The following MCM9 variants were observed in gnomAD, a reference collection of about 807,000 sequenced individuals.
MCM9 encodes the protein minichromosome maintenance 9 homologous recombination repair factor.
A neutral mutation model predicts 72.8 loss-of-function variants in MCM9; 55 were observed. That is an observed-to-expected ratio of 0.76 (90% confidence interval 0.61 to 0.95). MCM9 has a LOEUF of 0.95. Among genes scored for constraint, MCM9 ranks in the 40% least tolerant of loss-of-function variants. MCM9 has a pLI of 0.00. For missense variants in MCM9, 1,279 were observed against 1,377.0 expected, an observed-to-expected ratio of 0.93 and a Z score of 1.13; for synonymous variants, 480 against 503.4, an observed-to-expected ratio of 0.95 and a Z score of 0.62.
At chr6:118,918,010 G>A (rs1781102431) in intron 5 of MCM9, 2 of 505,892 alleles carry the variant, frequency 4.0e-6, no homozygotes, top group Admixed American at 3.6e-5. Flanking sequence ...CCTGCTACAT[G>A]ATAATCCTAC....
At chr6:118,843,610 T>C (rs144410027) in intron 9 of MCM9, among the ~76,000 whole-genome samples, 114 of 39,782 alleles carry the variant, frequency 2.9e-3, no homozygotes, top group Middle Eastern at 0.015. Context: ...AAGAGTGAAA[T>C]TCTGTCTCAA....
chr6:118,823,551 C>T (rs960569267), intron 13 of MCM9, among the ~76,000 whole-genome samples: 2 of 152,166 alleles, frequency 1.3e-5, no homozygotes, highest in African/African-American at 4.8e-5. Context: ...GGCCATCTTG[C>T]CAGATCTCAT....
chr6:118,843,672 A>ATATATATATACG (rs1321655061), intron 9 of MCM9, among the ~76,000 whole-genome samples: 5 of 40,672 alleles, frequency 1.2e-4, no homozygotes, highest in Admixed American at 3.3e-4. Context: ...ATATATATGT[A>ATATATATATACG]TGTATATATA....
chr6:118,861,453 A>G (rs1235098336), intron 8 of MCM9, among the ~76,000 whole-genome samples: 1 of 152,184 alleles, frequency 6.6e-6, no homozygotes, highest in Non-Finnish European at 1.5e-5. Context: ...CAGGTCCTGC[A>G]TTCTTGTCTC....
At chr6:118,926,285 G>A (rs1239729209) in intron 3 of MCM9, among the ~76,000 whole-genome samples, 1 of 152,170 alleles carries the variant, frequency 6.6e-6, no homozygotes, top group Non-Finnish European at 1.5e-5. Flanking sequence ...TCATAGCTTA[G>A]CCTACCTAGC....
At chr6:118,839,450 T>A (rs964718349) in intron 9 of MCM9, among the ~76,000 whole-genome samples, 2 of 152,116 alleles carry the variant, frequency 1.3e-5, no homozygotes, top group Non-Finnish European at 2.9e-5. Flanking sequence ...TCATTCTCCA[T>A]CCAGTTTTGT....
chr6:118,931,015 A>G (rs1782379117), intron 3 of MCM9, among the ~76,000 whole-genome samples: 1 of 152,226 alleles, frequency 6.6e-6, no homozygotes. Flanking sequence ...CAATGCTAAT[A>G]CTGATCTTTA....
intron 9 of MCM9, among the ~76,000 whole-genome samples, chr6:118,833,903 T>C (rs886698763): frequency 1.3e-5 from 2 of 152,130 alleles, no homozygotes; most frequent in Non-Finnish European, 2.9e-5. Flanking sequence ...ATACCTTAAG[T>C]TCTGGGATAT....
intron 8 of MCM9, among the ~76,000 whole-genome samples, chr6:118,877,782 C>A (rs944642477): frequency 3.9e-5 from 6 of 152,188 alleles, no homozygotes; most frequent in African/African-American, 1.2e-4. Context: ...AATAGTTAAA[C>A]CTGGAAACAA....
intron 13 of MCM9, among the ~76,000 whole-genome samples, chr6:118,825,885 G>A: frequency 6.6e-6 from 1 of 152,176 alleles, no homozygotes; most frequent in East Asian, 1.9e-4. Context: ...CACCGAGCCT[G>A]CCTGAATGTC....
chr6:118,826,720 C>T, intron 12 of MCM9, 62 bp downstream of exon 12: 1 of 1,288,750 alleles, frequency 7.8e-7, no homozygotes, highest in Non-Finnish European at 1.1e-6. Flanking sequence ...ATAAAGTGTC[C>T]TTTTTTAAAA....
chr6:118,920,548 G>C (rs1781345980), intron 5 of MCM9: 1 of 152,272 alleles, frequency 6.6e-6, no homozygotes, highest in African/African-American at 2.4e-5. Context: ...GGAGGTGTCT[G>C]GATCATGCAG....
intron 8 of MCM9, among the ~76,000 whole-genome samples, chr6:118,879,653 T>C (rs971113405): frequency 1.3e-5 from 2 of 151,922 alleles, no homozygotes; most frequent in African/African-American, 4.8e-5. Flanking sequence ...GAATAAAAAA[T>C]ACTAGTATGT....
At chr6:118,928,578 T>C (rs1782098270) in intron 3 of MCM9, among the ~76,000 whole-genome samples, 2 of 151,868 alleles carry the variant, frequency 1.3e-5, no homozygotes, top group South Asian at 4.2e-4. Flanking sequence ...GAAGAATTCA[T>C]AGCTTATACC....
At chr6:118,917,256 T>C (rs1028763784) in intron 6 of MCM9, among the ~76,000 whole-genome samples, 3 of 152,252 alleles carry the variant, frequency 2.0e-5, no homozygotes, top group Non-Finnish European at 4.4e-5. Flanking sequence ...AGGATGAGTT[T>C]TGCCTTTTTA....
chr6:118,895,221 C>T (rs1779301069), intron 8 of MCM9, among the ~76,000 whole-genome samples: 1 of 151,918 alleles, frequency 6.6e-6, no homozygotes, highest in Non-Finnish European at 1.5e-5. Context: ...CGCCGGCGCT[C>T]CCCGGGGGCC....
chr6:118,911,800 A>T (rs1395281111), intron 7 of MCM9, 31 bp from the exon 8 acceptor site: 1 of 1,559,610 alleles, frequency 6.4e-7, no homozygotes, highest in South Asian at 1.1e-5. Context: ...GAAGTTTTAA[A>T]TTTCTATAAA....
At chr6:118,862,361 T>A (rs540403224) in intron 8 of MCM9, among the ~76,000 whole-genome samples, 1 of 152,284 alleles carries the variant, frequency 6.6e-6, no homozygotes, top group East Asian at 1.9e-4. Context: ...GCAGCTGGCA[T>A]CCCCTCAGCA....
At chr6:118,934,279 G>C (rs955011399) in intron 1 of MCM9, 1 of 152,192 alleles carries the variant, frequency 6.6e-6, no homozygotes, top group Non-Finnish European at 1.5e-5. Flanking sequence ...TACCCACCCA[G>C]ATAGACACTG....
Sources: gnomAD v4.1 joint callset for allele counts (sites outside exome capture counted in the v4.1 genomes callset) on GRCh38, gnomAD v4.1.1 for gene constraint, MANE v1.5 for transcripts, NCBI Gene and HGNC (gene_info 2026-07-23, HGNC 2026-07-21) for gene names.